The following KLF12 variants were observed in gnomAD, a reference collection of about 807,000 sequenced individuals.
KLF12 encodes the protein Krueppel-like factor 12.
In KLF12, 9 loss-of-function variants were observed where a neutral mutation model predicts 37.8. The observed-to-expected ratio is 0.24, with a 90% CI of 0.14 to 0.42. The LOEUF (loss-of-function observed/expected upper bound fraction) is 0.42. Ranked by LOEUF, KLF12 falls within the 10% of genes least tolerant of loss-of-function variation. The pLI is 1.00. For missense variants in KLF12, 411 were observed against 516.0 expected (o/e 0.80, Z 1.97); for synonymous variants, 208 against 202.1 (o/e 1.03, Z -0.25).
In KLF12 at chr13:73,980,284, A is replaced by G. The variant is rs552951043; in HGVS notation, c.33+14706T>C. Among the ~76,000 whole-genome samples the G allele has an allele frequency of 4.6e-5, 7 of 152,352 alleles. No homozygotes were observed. The East Asian group carries it at 1.4e-3, about 29-fold the overall frequency. On this transcript the variant is annotated intron_variant, in intron 2 of 7. Transcript: ENST00000377669. ...CCACAAAAAGCCACTCATCCCAGAT[A>G]AATGGGTTCTACCAAATCCTTAAAG...
intron 1 of KLF12, among the ~76,000 whole-genome samples, chr13:74,104,513 T>C (rs1256638395): frequency 1.3e-5 from 2 of 152,246 alleles, no homozygotes; most frequent in Non-Finnish European, 2.9e-5. Context: ...CTGTTCACTG[T>C]ATTTTTCTCC....
intron 3 of KLF12, among the ~76,000 whole-genome samples, chr13:73,872,767 C>T (rs951045857): frequency 5.3e-5 from 8 of 152,114 alleles, no homozygotes; most frequent in Non-Finnish European, 7.4e-5. Context: ...CAGGCTCATA[C>T]GTGTTGTATG....
the KLF12 span, among the ~76,000 whole-genome samples, chr13:74,265,847 C>T: frequency 6.6e-6 from 1 of 152,172 alleles, no homozygotes; most frequent in Non-Finnish European, 1.5e-5. Flanking sequence ...ACCTTCCTTA[C>T]TAAAAGAAAA....
At chr13:74,204,827 T>G in the KLF12 span, among the ~76,000 whole-genome samples, 2 of 152,144 alleles carry the variant, frequency 1.3e-5, no homozygotes. Context: ...ATTTGGGATT[T>G]TTGTGCTATT....
In KLF12 at chr13:74,132,130, GA is replaced by G. The variant is rs368656812; in HGVS notation, c.-32+1608del. On this transcript the variant is annotated intron_variant, in intron 1 of 7. Coordinates refer to ENST00000377669, the MANE Select transcript of KLF12 (RefSeq NM_007249.5). The stretch of plus-strand genomic sequence containing the variant: ...CACAAGCAAGCTTTTTTCCTTGAGG[GA>G]GGGGGGGTCCACTGTTTTAAATAAA... Among the ~76,000 whole-genome samples, 46 of 152,256 alleles carry G rather than the reference GA, an allele frequency of 3.0e-4. No individual in the cohort carries two copies. In the East Asian group the frequency reaches 4.2e-3, roughly 14 times the overall value.
chr13:73,956,667 T>C (rs1282921998), intron 2 of KLF12, among the ~76,000 whole-genome samples: 1 of 152,088 alleles, frequency 6.6e-6, no homozygotes, highest in Non-Finnish European at 1.5e-5. Context: ...ACATCTGTAA[T>C]CCCAGCACCT....
intron 3 of KLF12, among the ~76,000 whole-genome samples, chr13:73,853,413 G>A (rs1885438825): frequency 6.6e-6 from 1 of 152,156 alleles, no homozygotes; most frequent in South Asian, 2.1e-4. Flanking sequence ...GTGAGTGAGT[G>A]AGGAGGAGAC....
At chr13:74,125,979 T>C (rs757322184) in intron 1 of KLF12, among the ~76,000 whole-genome samples, 2 of 152,234 alleles carry the variant, frequency 1.3e-5, no homozygotes, top group South Asian at 2.1e-4. Flanking sequence ...CTATTCACTA[T>C]AATTTCATTA....
At chr13:73,942,717 A>G (rs1476898516) in intron 3 of KLF12, among the ~76,000 whole-genome samples, 1 of 152,206 alleles carries the variant, frequency 6.6e-6, no homozygotes, top group Non-Finnish European at 1.5e-5. Flanking sequence ...ATTGGTCATT[A>G]TATCATGTAT....
intron 1 of KLF12, among the ~76,000 whole-genome samples, chr13:74,012,985 A>C (rs1236366690): frequency 6.6e-6 from 1 of 152,226 alleles, no homozygotes; most frequent in Non-Finnish European, 1.5e-5. Context: ...ATAAGCAGCT[A>C]ATTCAAATCT....
the KLF12 span, among the ~76,000 whole-genome samples, chr13:74,233,022 A>C: frequency 3.3e-5 from 5 of 152,046 alleles, no homozygotes; most frequent in African/African-American, 4.8e-5. Flanking sequence ...AGTAGCTGGG[A>C]CTACAGGCGC....
chr13:73,740,215 A>G (rs1056176392), intron 6 of KLF12, among the ~76,000 whole-genome samples: 16 of 152,208 alleles, frequency 1.1e-4, no homozygotes, highest in African/African-American at 3.6e-4. Flanking sequence ...GTGCCCTTAT[A>G]AAAGAGGCTC....
intron 3 of KLF12, among the ~76,000 whole-genome samples, chr13:73,920,410 T>C (rs1199840254): frequency 6.6e-6 from 1 of 152,030 alleles, no homozygotes. Context: ...CTCAAGAAAA[T>C]ACCAGCCCAG....
chr13:74,208,703 G>C, the KLF12 span, among the ~76,000 whole-genome samples: 1 of 152,242 alleles, frequency 6.6e-6, no homozygotes, highest in East Asian at 1.9e-4. Flanking sequence ...AGCCAGGCAT[G>C]GTGGCTTTTG....
chr13:73,912,014 A>C lies in KLF12; in HGVS notation c.123+31967T>G, dbSNP rs144574603. Among the ~76,000 whole-genome samples the C allele has an allele frequency of 3.3e-5, 5 of 152,320 alleles. No homozygotes were observed. The East Asian group carries it at 7.7e-4, about 23-fold the overall frequency. ...GCAATAAGGACATTGCTGATGGTTT[A>C]ACTACTGACTTCTCCTTCACAATAA... is the stretch of plus-strand genomic sequence containing the variant. On this transcript the variant is annotated intron_variant, in intron 3 of 7. Coordinates refer to ENST00000377669, the MANE Select transcript of KLF12 (RefSeq NM_007249.5).
chr13:73,746,017 A>G (rs1340536603), intron 6 of KLF12, among the ~76,000 whole-genome samples: 1 of 151,858 alleles, frequency 6.6e-6, no homozygotes, highest in Admixed American at 6.6e-5. Flanking sequence ...TTCTAATGAC[A>G]TTTCACAACG....
intron 1 of KLF12, among the ~76,000 whole-genome samples, chr13:74,023,643 G>A (rs997171980): frequency 6.6e-6 from 1 of 152,098 alleles, no homozygotes; most frequent in East Asian, 1.9e-4. Context: ...TGTCTTCTTA[G>A]AAGGACACAG....
chr13:74,161,672 C>T, the KLF12 span, among the ~76,000 whole-genome samples: 1,819 of 152,220 alleles, frequency 0.012, 41 homozygotes, highest in African/African-American at 0.042. Flanking sequence ...TACAGCAGCC[C>T]TAGGAAGCTA....
intron 3 of KLF12, among the ~76,000 whole-genome samples, chr13:73,865,315 T>C (rs1886118193): frequency 6.6e-6 from 1 of 152,156 alleles, no homozygotes; most frequent in Non-Finnish European, 1.5e-5. Flanking sequence ...CTGGACAATT[T>C]ATAGCACGTA....
Sources: gnomAD v4.1 joint callset for allele counts (sites outside exome capture counted in the v4.1 genomes callset) on GRCh38, gnomAD v4.1.1 for gene constraint, MANE v1.5 for transcripts, NCBI Gene and HGNC (gene_info 2026-07-23, HGNC 2026-07-21) for gene names.